Variants in GRIA1 observed in about 807,000 individuals in gnomAD.
GRIA1 encodes the protein glutamate receptor 1.
Under a neutral mutation model 99.2 loss-of-function variants are expected in GRIA1, and 31 were observed. The ratio of observed to expected loss-of-function variants is 0.31; its 90% confidence interval spans 0.23 to 0.42. GRIA1 has a LOEUF of 0.42. Ranked by LOEUF, GRIA1 falls within the 10% of genes least tolerant of loss-of-function variation. GRIA1 has a pLI of 1.00. For missense variants in GRIA1, 782 were observed against 1,157.5 expected, an observed-to-expected ratio of 0.68 and a Z score of 4.71; for synonymous variants, 438 against 432.4, an observed-to-expected ratio of 1.01 and a Z score of -0.16.
rs181900430 is a variant in GRIA1, at chr5:153,658,111, C to T, written c.699+2239C>T. Among the ~76,000 whole-genome samples the T allele has an allele frequency of 2.6e-5, 4 of 152,262 alleles. 1 individual carries two copies. Among genetic ancestry groups the T allele is most frequent in the Non-Finnish European group, 4.4e-5 (3 of 68,018 alleles). ...GGCAGCACTAGAGCTAGGCCTGTCA[C>T]CAAGGGTAGCAGGCAGTATTCAGGC... On this transcript the variant is annotated intron_variant, in intron 5 of 15. Coordinates refer to ENST00000285900, the MANE Select transcript of GRIA1 (RefSeq NM_000827.4).
At chr5:153,505,354 G>GA (rs5872319) in intron 2 of GRIA1, among the ~76,000 whole-genome samples, 1 of 152,018 alleles carries the variant, frequency 6.6e-6, no homozygotes, top group Non-Finnish European at 1.5e-5. Context: ...AACTCCTTGG[G>GA]AAAAAAATAT....
At chr5:153,562,978 C>T (rs1460124590) in intron 2 of GRIA1, among the ~76,000 whole-genome samples, 2 of 151,802 alleles carry the variant, frequency 1.3e-5, no homozygotes, top group South Asian at 2.1e-4. Flanking sequence ...GAGATTGAGA[C>T]CATCCCGGCC....
chr5:153,663,740 T>A (rs189694054), intron 5 of GRIA1, among the ~76,000 whole-genome samples: 80 of 152,332 alleles, frequency 5.3e-4, no homozygotes, highest in Admixed American at 1.5e-3. Context: ...AGCAAAACAA[T>A]CTTCCTGCCT....
At chr5:153,645,882 A>G (rs1231975633) in intron 2 of GRIA1, among the ~76,000 whole-genome samples, 1 of 152,206 alleles carries the variant, frequency 6.6e-6, no homozygotes, top group East Asian at 1.9e-4. Context: ...AAGGACCACA[A>G]AGCACTCTAA....
chr5:153,645,842 G>A (rs1754111289), intron 2 of GRIA1, among the ~76,000 whole-genome samples: 1 of 152,200 alleles, frequency 6.6e-6, no homozygotes, highest in African/African-American at 2.4e-5. Context: ...ACAAGGATGT[G>A]ATGAGGACTA....
At chr5:153,582,531 T>C (rs977768411) in intron 2 of GRIA1, among the ~76,000 whole-genome samples, 1 of 152,120 alleles carries the variant, frequency 6.6e-6, no homozygotes, top group Non-Finnish European at 1.5e-5. Flanking sequence ...CTTGAAGACC[T>C]TTCTTCTTTT....
intron 11 of GRIA1, among the ~76,000 whole-genome samples, chr5:153,707,021 A>T (rs919170527): frequency 6.6e-6 from 1 of 152,128 alleles, no homozygotes; most frequent in Non-Finnish European, 1.5e-5. Flanking sequence ...CAGGAGGTTG[A>T]GGTAGGAGGG....
chr5:153,796,619 C>A (rs1765662228), intron 14 of GRIA1, among the ~76,000 whole-genome samples: 1 of 152,124 alleles, frequency 6.6e-6, no homozygotes, highest in Admixed American at 6.5e-5. Context: ...AGAATGACAT[C>A]CTCACTTTGT....
intron 7 of GRIA1, 76 bp downstream of exon 7, chr5:153,677,237 G>T (rs1314324502): frequency 4.1e-6 from 5 of 1,215,812 alleles, no homozygotes; most frequent in Middle Eastern, 2.1e-4. Context: ...ATAAAACACA[G>T]CTATTCTAAA....
intron 5 of GRIA1, among the ~76,000 whole-genome samples, chr5:153,660,397 C>T (rs1755278181): frequency 6.6e-6 from 1 of 152,176 alleles, no homozygotes; most frequent in African/African-American, 2.4e-5. Context: ...AACAGAGCTT[C>T]AGAAAGGTTG....
chr5:153,716,148 G>A (rs2149533414), intron 11 of GRIA1, among the ~76,000 whole-genome samples: 1 of 152,302 alleles, frequency 6.6e-6, no homozygotes, highest in African/African-American at 2.4e-5. Context: ...TATGTGTCAG[G>A]CACTCTGACA....
chr5:153,771,255 G>A (rs1369105448), intron 13 of GRIA1, among the ~76,000 whole-genome samples: 1 of 152,190 alleles, frequency 6.6e-6, no homozygotes, highest in Non-Finnish European at 1.5e-5. Flanking sequence ...ACACTGTGAA[G>A]TCACCTATGA....
chr5:153,582,931 G>A (rs1763167977), intron 2 of GRIA1, among the ~76,000 whole-genome samples: 1 of 152,080 alleles, frequency 6.6e-6, no homozygotes, highest in Non-Finnish European at 1.5e-5. Flanking sequence ...CAAGTAACCA[G>A]GACTACAGGG....
At chr5:153,809,553 A>G (rs1005348670) in intron 15 of GRIA1, among the ~76,000 whole-genome samples, 3 of 152,232 alleles carry the variant, frequency 2.0e-5, no homozygotes, top group Admixed American at 1.3e-4. Flanking sequence ...AGGTTGACTG[A>G]TTTCTCTGGT....
intron 14 of GRIA1, among the ~76,000 whole-genome samples, chr5:153,796,251 A>C (rs1016047524): frequency 2.6e-5 from 4 of 152,086 alleles, no homozygotes; most frequent in African/African-American, 9.7e-5. Context: ...GAGCCTGCAG[A>C]GGATTTAATC....
At chr5:153,752,459 A>G (rs1762564567) in intron 11 of GRIA1, among the ~76,000 whole-genome samples, 1 of 152,244 alleles carries the variant, frequency 6.6e-6, no homozygotes, top group Non-Finnish European at 1.5e-5. Context: ...TGATATTTAC[A>G]CAAGATGATG....
intron 11 of GRIA1, among the ~76,000 whole-genome samples, chr5:153,710,529 C>T (rs1019356787): frequency 6.6e-6 from 1 of 152,054 alleles, no homozygotes; most frequent in African/African-American, 2.4e-5. Context: ...AGCCCAAAGA[C>T]CTATTTTTAA....
chr5:153,698,553 T>C (rs1025106446), intron 9 of GRIA1, among the ~76,000 whole-genome samples: 1 of 151,958 alleles, frequency 6.6e-6, no homozygotes, highest in African/African-American at 2.4e-5. Flanking sequence ...ACCTGGAGCC[T>C]GTTTAGGGTC....
In GRIA1 at chr5:153,705,919, C is replaced by T. The variant is rs768255268; in HGVS notation, c.1675C>T (p.Arg559Cys). Residue 559 changes from arginine (R) to cysteine (C), a missense_variant, in exon 11 of 16, where the codon CGC becomes TGC. Arg to Cys is a radical substitution (Grantham distance 180, BLOSUM62 -3). Coordinates refer to ENST00000285900, the MANE Select transcript of GRIA1 (RefSeq NM_000827.4). ...GAGTGTTGTCCTCTTCCTGGTCAGC[C>T]GCTTCAGTCCCTATGAATGGCACAG... ...GVSVVLFLVS[R>C]FSPYEWHSEE... The T allele has an allele frequency of 8.1e-6, 13 of 1,613,798 alleles. No homozygotes were observed. Among genetic ancestry groups the T allele is most frequent in the Non-Finnish European group, 6.8e-6 (8 of 1,179,944 alleles).
Sources: gnomAD v4.1 joint callset for allele counts (sites outside exome capture counted in the v4.1 genomes callset) on GRCh38, gnomAD v4.1.1 for gene constraint, MANE v1.5 for transcripts, NCBI Gene and HGNC (gene_info 2026-07-23, HGNC 2026-07-21) for gene names.